The following TGDS variants were observed in gnomAD, a reference collection of about 807,000 sequenced individuals.
TGDS encodes UDP-D-glucose 4,6-dehydratase.
Under a neutral mutation model 52.3 loss-of-function variants are expected in TGDS, and 47 were observed. That is an observed-to-expected ratio of 0.90 (90% CI 0.71 to 1.15). The LOEUF (loss-of-function observed/expected upper bound fraction) is 1.15. Among genes scored for constraint, TGDS ranks in the 50% most tolerant of loss-of-function variants. The probability of loss-of-function intolerance (pLI) is 0.00; values close to 1 mark genes in which losing one functional copy is unlikely to be tolerated. For synonymous variants in TGDS, 115 were observed against 136.9 expected (o/e 0.84, Z 1.12); for missense variants, 375 against 418.4 (o/e 0.90, Z 0.90).
intron 9 of TGDS, 64 bp downstream of exon 9, chr13:94,577,941 T>A (rs1183714924): frequency 2.6e-6 from 4 of 1,512,160 alleles, no homozygotes; most frequent in Non-Finnish European, 3.6e-6. Flanking sequence ...TGCTTCTGAT[T>A]TTGACTAATG....
chr13:94,574,989 T>G, intron 11 of TGDS, 137 bp from the exon 12 acceptor site: 1 of 504,794 alleles, frequency 2.0e-6, no homozygotes, highest in East Asian at 3.1e-5. Context: ...TGACTAATGA[T>G]GTAAACAATT....
intron 2 of TGDS, 88 bp from the exon 3 acceptor site, chr13:94,592,397 T>A: frequency 1.0e-6 from 1 of 999,226 alleles, no homozygotes; most frequent in Non-Finnish European, 1.5e-6. Context: ...AGACTACAGA[T>A]GTTACTGGTT....
rs758159583 is a variant in TGDS at position 94,590,856 on chromosome 13, CAT to C, written c.308_309del (p.His103ArgfsTer10). On this transcript the variant is annotated frameshift_variant, in exon 4 of 12. Coordinates refer to ENST00000261296, the MANE Select transcript of TGDS (RefSeq NM_014305.4). LOFTEE classifies it high-confidence loss of function. Reference protein sequence around the residue: ...DIVLHFAAQTHVDLSFVRAFE... With the variant: ...DIVLHFAAQTXVDLSFVRAFE... ...TGTAACATAAAACAATGCTTACCTA[CAT>C]GTGTTTGTGCGGCAAAATGTAGTAC... is the stretch of plus-strand genomic sequence containing the variant. The C allele has an allele frequency of 1.5e-5, 24 of 1,567,032 alleles. No homozygotes were observed. The highest frequency in any genetic ancestry group is 2.1e-5 in the Admixed American group (1 of 46,594).
intron 2 of TGDS, 132 bp downstream of exon 2, chr13:94,593,709 T>A: frequency 1.5e-6 from 1 of 669,686 alleles, no homozygotes; most frequent in Non-Finnish European, 2.6e-6. Context: ...CACATTACTA[T>A]ACAGAGCCTC....
intron 10 of TGDS, among the ~76,000 whole-genome samples, chr13:94,576,683 A>C (rs1440666640): frequency 6.6e-6 from 1 of 152,162 alleles, no homozygotes; most frequent in Non-Finnish European, 1.5e-5. Context: ...ACATCCAAAA[A>C]ACTCAACAAA....
Position 94,577,351 on chromosome 13 carries a change from G to A in TGDS, c.884+20C>T. ...CTAAGATTTCACAACCTTTCCCCAA[G>A]GTTTTAACTTGTTACTCACCTATCA... On this transcript the variant is annotated intron_variant, in intron 10 of 11. Transcript: ENST00000261296. 1 of 1,541,130 alleles carries A rather than the reference G, an allele frequency of 6.5e-7. No individual in the cohort carries two copies. Among genetic ancestry groups the A allele is most frequent in the Non-Finnish European group, 8.7e-7 (1 of 1,150,206 alleles).
intron 4 of TGDS, among the ~76,000 whole-genome samples, chr13:94,585,955 G>A (rs1235300748): frequency 1.3e-5 from 2 of 151,874 alleles, no homozygotes; most frequent in Non-Finnish European, 2.9e-5. Flanking sequence ...CACTCCAAGA[G>A]TACAAACAGA....
At chr13:94,592,785 A>C (rs1351966660) in intron 2 of TGDS, among the ~76,000 whole-genome samples, 1 of 152,228 alleles carries the variant, frequency 6.6e-6, no homozygotes, top group African/African-American at 2.4e-5. Flanking sequence ...CTTAAAAGTA[A>C]AAAACAAGTA....
chr13:94,584,065 A>G (rs1265240252), intron 4 of TGDS, among the ~76,000 whole-genome samples: 1 of 152,174 alleles, frequency 6.6e-6, no homozygotes, highest in Non-Finnish European at 1.5e-5. Context: ...TGAGGCTGTT[A>G]GGCAAAAGAC....
chr13:94,576,765 T>C (rs932490284), intron 10 of TGDS, among the ~76,000 whole-genome samples: 8 of 152,178 alleles, frequency 5.3e-5, no homozygotes, highest in African/African-American at 1.2e-4. Context: ...GGTCAGGTAT[T>C]TCATACACAT....
Position 94,578,106 on chromosome 13 carries a change from A to G in TGDS, c.724T>C (p.Phe242Leu), listed in dbSNP as rs1177575428. The change falls in exon 9 of 12, where the codon TTT becomes CTT. Residue 242 changes from phenylalanine (F) to leucine (L), a missense_variant. Phe to Leu is a conservative substitution (Grantham distance 22). Coordinates refer to ENST00000261296, the MANE Select transcript of TGDS (RefSeq NM_014305.4). ...FLYATDVVEA[F>L]LTVLKKGKPG... ...TTCCCTTTTTTGAGGACAGTGAGAA[A>G]TGCTTCTACAACATCAGTAGCATAA... 5.0e-6 allele frequency: 8 copies of G among 1,613,870 alleles called. No individual in the cohort carries two copies. The highest frequency in any genetic ancestry group is 6.8e-6 in the Non-Finnish European group (8 of 1,179,886).
At chr13:94,592,376 A>C (rs887790316) in intron 2 of TGDS, 67 bp from the exon 3 acceptor site, 2 of 1,257,760 alleles carry the variant, frequency 1.6e-6, no homozygotes, top group African/African-American at 3.0e-5. Context: ...TCAAATACCA[A>C]TTTATTTTAA....
chr13:94,590,132 C>G (rs9524549), intron 4 of TGDS, among the ~76,000 whole-genome samples: 98,599 of 148,044 alleles, frequency 0.67, 33,033 homozygotes, highest in Admixed American at 0.72. Context: ...TAATCTACAT[C>G]GATTTTGAAA....
intron 3 of TGDS, 42 bp from the exon 4 acceptor site, chr13:94,590,985 A>G (rs775527771): frequency 7.1e-7 from 1 of 1,400,842 alleles, no homozygotes; most frequent in East Asian, 2.5e-5. Context: ...GGTTTCATAC[A>G]GCACTCTCAT....
chr13:94,589,891 C>T (rs1053366312), intron 4 of TGDS, among the ~76,000 whole-genome samples: 4 of 152,014 alleles, frequency 2.6e-5, no homozygotes, highest in Non-Finnish European at 4.4e-5. Context: ...GTGAAGTATG[C>T]AGATCTTATG....
Position 94,578,224 on chromosome 13 carries a change from A to G in TGDS, c.660-54T>C, listed in dbSNP as rs890077184. Reference sequence around the variant, plus strand: ...AAAGTGTAAAAAGGTAAACTCTCCTAAAGCATTGACTGGGTACTACAACTC... The same window carrying G: ...AAAGTGTAAAAAGGTAAACTCTCCTGAAGCATTGACTGGGTACTACAACTC... On this transcript the variant is annotated intron_variant, in intron 8 of 11. Transcript: ENST00000261296. 10 of 1,558,308 alleles carry G rather than the reference A, an allele frequency of 6.4e-6. No individual in the cohort carries two copies. The African/African-American group carries it at 9.6e-5, about 15-fold the overall frequency.
At chr13:94,588,720 T>C (rs1889088918) in intron 4 of TGDS, among the ~76,000 whole-genome samples, 1 of 152,176 alleles carries the variant, frequency 6.6e-6, no homozygotes, top group African/African-American at 2.4e-5. Context: ...ATCTCATAAA[T>C]TGCTGGTAGA....
At chr13:94,580,769 A>G (rs1038004555) in intron 6 of TGDS, among the ~76,000 whole-genome samples, 1 of 152,262 alleles carries the variant, frequency 6.6e-6, no homozygotes, top group African/African-American at 2.4e-5. Flanking sequence ...TTGTCCACAC[A>G]ATAGAGGAAA....
chr13:94,580,064 C>A, intron 6 of TGDS, 111 bp from the exon 7 acceptor site: 1 of 648,204 alleles, frequency 1.5e-6, no homozygotes, highest in Non-Finnish European at 2.6e-6. Flanking sequence ...TAATTCCACA[C>A]ACCTTAAGGT....
Sources: allele counts gnomAD v4.1 joint callset (sites outside exome capture counted in the v4.1 genomes callset), GRCh38; gene constraint gnomAD v4.1.1; transcripts MANE v1.5; gene names NCBI Gene and HGNC (gene_info 2026-07-23, HGNC 2026-07-21).